The following MTUS1 variants were observed in gnomAD, a reference collection of about 807,000 sequenced individuals.
MTUS1 encodes the protein microtubule-associated tumor suppressor 1.
Under a neutral mutation model 120.8 loss-of-function variants are expected in MTUS1, and 109 were observed. The ratio of observed to expected loss-of-function variants is 0.90; its 90% CI spans 0.77 to 1.06. The LOEUF is 1.06. MTUS1 is among the 50% of genes least tolerant of loss of function. MTUS1 has a pLI of 0.00. For synonymous variants in MTUS1, 737 were observed against 550.5 expected (o/e 1.34, Z -4.74); for missense variants, 2,210 against 1,486.3 (o/e 1.49, Z -8.01).
At chr8:17,651,120 G>T (rs565211425) in intron 12 of MTUS1, among the ~76,000 whole-genome samples, 13 of 152,028 alleles carry the variant, frequency 8.6e-5, no homozygotes, top group Middle Eastern at 3.4e-3. Context: ...TCAGGGCAGG[G>T]ACTAATACAT....
chr8:17,671,228 G>A (rs971959956), intron 8 of MTUS1, among the ~76,000 whole-genome samples: 5 of 151,716 alleles, frequency 3.3e-5, no homozygotes, highest in East Asian at 1.9e-4. Flanking sequence ...TGGAGCTGCC[G>A]GCTGTTTTCT....
intron 8 of MTUS1, among the ~76,000 whole-genome samples, chr8:17,662,844 GA>G (rs10616236): frequency 0.12 from 17,071 of 141,196 alleles, 1,457 homozygotes; most frequent in East Asian, 0.24. Context: ...AGGAAAAAGA[GA>G]AAAAAAAAAA....
In MTUS1 at chr8:17,683,207, G is replaced by A. The variant is rs150704936; in HGVS notation, c.2838+1121C>T. Among the ~76,000 whole-genome samples, 157 of 152,294 alleles carry A rather than the reference G, an allele frequency of 1.0e-3. 1 individual carries two copies. The highest frequency in any genetic ancestry group is 3.4e-3 in the African/African-American group (141 of 41,562). On this transcript the variant is annotated intron_variant, in intron 7 of 14. Transcript: ENST00000693296. ...GAATGGCATGAACCCGGGAGATAGA[G>A]CTTGTAGTGAGCTGAGATGGCGCCA...
intron 1 of MTUS1, among the ~76,000 whole-genome samples, chr8:17,760,051 CTTTTCT>C (rs1424893161): frequency 7.7e-6 from 1 of 130,208 alleles, no homozygotes; most frequent in Non-Finnish European, 1.6e-5. Context: ...TCTACGATTT[CTTTTCT>C]TTTTTTTTTT....
intron 4 of MTUS1, among the ~76,000 whole-genome samples, chr8:17,717,934 A>G (rs142747944): frequency 1.2e-4 from 19 of 152,336 alleles, no homozygotes; most frequent in African/African-American, 4.6e-4. Context: ...ACAAACACAC[A>G]TGCATTTATA....
At chr8:17,650,060 A>G (rs1806658591) in intron 12 of MTUS1, 98 bp from the exon 13 acceptor site, 1 of 765,302 alleles carries the variant, frequency 1.3e-6, no homozygotes, top group African/African-American at 1.7e-5. Context: ...ACAAGTAGCA[A>G]GCGACAGATG....
intron 1 of MTUS1, 100 bp from the exon 2 acceptor site, chr8:17,756,061 T>C (rs1201858160): frequency 6.6e-6 from 4 of 606,472 alleles, no homozygotes; most frequent in Non-Finnish European, 1.0e-5. Context: ...TCACTTTATG[T>C]TCACATTTAG....
rs567520653 is a variant in MTUS1, at chr8:17,709,835, G to A, written c.2623+3379C>T. ...CATCTGGCTAACACGGTGAAACCCC[G>A]TCTCTACTAAAAATACAAAAAATTA... On this transcript the variant is annotated intron_variant, in intron 6 of 14. Transcript: ENST00000693296. Among the ~76,000 whole-genome samples the A allele has an allele frequency of 8.7e-4, 132 of 151,834 alleles. 2 individuals are homozygous for A. Among genetic ancestry groups the A allele is most frequent in the South Asian group, 4.2e-4 (2 of 4,810 alleles).
intron 3 of MTUS1, among the ~76,000 whole-genome samples, chr8:17,727,811 G>A (rs941591743): frequency 9.9e-5 from 15 of 152,140 alleles, no homozygotes; most frequent in African/African-American, 2.2e-4. Context: ...ATAGACTTAC[G>A]TATAGACAAC....
At position 17,713,234 on chromosome 8, in the gene MTUS1, A is replaced by G; in HGVS notation, c.2603T>C (p.Leu868Ser). The G allele has an allele frequency of 6.3e-7, 1 of 1,596,860 alleles. No homozygotes were observed. Among genetic ancestry groups the G allele is most frequent in the Non-Finnish European group, 8.6e-7 (1 of 1,166,588 alleles). Residue 868 changes from leucine (L) to serine (S), a missense_variant, in exon 6 of 15, where the codon TTA becomes TCA. Transcript: ENST00000693296. ...CTCACCTGCATTAAGAGCTGTAAAT[A>G]AATTTTTTCTCGAAGGACCTAAGAT... Reference protein sequence around the residue: ...TPPKGPSRKNLFTALNAVEKS... With the variant: ...TPPKGPSRKNSFTALNAVEKS...
At chr8:17,783,930 T>C (rs991130673) in intron 1 of MTUS1, among the ~76,000 whole-genome samples, 2 of 152,128 alleles carry the variant, frequency 1.3e-5, no homozygotes, top group African/African-American at 4.8e-5. Context: ...ACTCAGAGCT[T>C]AAAGGCAGAG....
chr8:17,698,475 T>TA (rs1563223006), intron 6 of MTUS1, among the ~76,000 whole-genome samples: 3 of 152,202 alleles, frequency 2.0e-5, no homozygotes, highest in Non-Finnish European at 4.4e-5. Flanking sequence ...AAACCACGAA[T>TA]AGCCTGAGCT....
At chr8:17,673,274 C>T (rs1348936738) in intron 8 of MTUS1, among the ~76,000 whole-genome samples, 1 of 151,716 alleles carries the variant, frequency 6.6e-6, no homozygotes, top group Non-Finnish European at 1.5e-5. Flanking sequence ...TTCACCAGAA[C>T]TCTCAAGTCT....
At position 17,721,991 on chromosome 8, in the gene MTUS1, G is replaced by T. The variant is rs1188811007; in HGVS notation, c.2449+1681C>A. 2.9e-6 allele frequency: 4 copies of T among 1,392,284 alleles called. No individual in the cohort carries two copies. The African/African-American group carries it at 4.5e-5, about 16-fold the overall frequency. The allele number at this position is 1,392,284 out of a possible 1,614,324, so 86.2% of individuals were successfully genotyped here. ...TGCTTGCTCTTAGTGAATTCGAATG[G>T]AGGGAAAAAAAAAAAAATGCGTAAG... On this transcript the variant is annotated intron_variant, in intron 4 of 14. Coordinates refer to ENST00000693296, the MANE Select transcript of MTUS1 (RefSeq NM_001363059.2).
intron 1 of MTUS1, among the ~76,000 whole-genome samples, chr8:17,769,548 C>T (rs375398172): frequency 7.3e-5 from 11 of 151,342 alleles, no homozygotes; most frequent in Non-Finnish European, 1.0e-4. Flanking sequence ...GGGATTTCAC[C>T]GCGTTAGCCA....
At chr8:17,657,368 A>G (rs1275562148) in intron 8 of MTUS1, among the ~76,000 whole-genome samples, 1 of 151,652 alleles carries the variant, frequency 6.6e-6, no homozygotes, top group South Asian at 2.1e-4. Context: ...GGAGATCGAG[A>G]CCATCCCGGC....
intron 3 of MTUS1, among the ~76,000 whole-genome samples, chr8:17,740,758 A>C (rs2047261018): frequency 6.6e-6 from 1 of 152,198 alleles, no homozygotes. Flanking sequence ...TGGAATGTCC[A>C]AGATAGAGGT....
chr8:17,754,550 T>A lies in MTUS1; in HGVS notation c.1258A>T (p.Ile420Phe), dbSNP rs370723597. 1.9e-5 allele frequency: 30 copies of A among 1,614,140 alleles called. No homozygotes were observed. The highest frequency in any genetic ancestry group is 2.5e-5 in the Non-Finnish European group (30 of 1,180,056). The change falls in exon 2 of 15, where the codon ATT becomes TTT. Residue 420 changes from isoleucine (I) to phenylalanine (F), a missense_variant. Ile to Phe is a conservative substitution (Grantham distance 21). Transcript: ENST00000693296. ...ATGCACATCGTTTTGTCTGTGCTAA[T>A]GACCATATCATTTGCATCCCAAGTC... ...GLTWDANDMVISTDKTMCMST... is the reference protein window; with the variant it reads ...GLTWDANDMVFSTDKTMCMST...
At chr8:17,667,051 T>G (rs28507936) in intron 8 of MTUS1, among the ~76,000 whole-genome samples, 1 of 152,140 alleles carries the variant, frequency 6.6e-6, no homozygotes, top group South Asian at 2.1e-4. Context: ...GTTGAGAGAC[T>G]GGAGTTAGGA....
Sources: gnomAD v4.1 joint callset for allele counts (sites outside exome capture counted in the v4.1 genomes callset) on GRCh38, gnomAD v4.1.1 for gene constraint, MANE v1.5 for transcripts, NCBI Gene and HGNC (gene_info 2026-07-23, HGNC 2026-07-21) for gene names.